The following TRMT13 variants were observed in gnomAD, a reference collection of about 807,000 sequenced individuals.
TRMT13 encodes tRNA methyltransferase 13.
Under a neutral mutation model 55.9 loss-of-function variants are expected in TRMT13, and 45 were observed. The observed-to-expected ratio is 0.80, with a 90% CI of 0.63 to 1.03. The LOEUF is 1.03. TRMT13 is among the 50% of genes least tolerant of loss of function. TRMT13 has a pLI of 0.00. For missense variants in TRMT13, 513 were observed against 563.9 expected (o/e 0.91, Z 0.91); for synonymous variants, 183 against 196.3 (o/e 0.93, Z 0.57).
At chr1:100,141,660 C>T (rs544430842) in intron 7 of TRMT13, among the ~76,000 whole-genome samples, 111 of 152,060 alleles carry the variant, frequency 7.3e-4, no homozygotes, top group Non-Finnish European at 1.2e-3. Context: ...AGAAAAGAGA[C>T]CCAGGCAAAT....
Position 100,133,298 on chromosome 1 carries a change from C to G in TRMT13, c.130C>G (p.His44Asp). 6.2e-7 allele frequency: 1 copy of G among 1,614,120 alleles called. No individual in the cohort carries two copies. The highest frequency in any genetic ancestry group is 8.5e-7 in the Non-Finnish European group (1 of 1,180,002). The stretch of plus-strand genomic sequence containing the variant: ...CGCAGGGAAAAGATTTTGTGGTGAA[C>G]ACGCTGGAGCCGCGGAGGTGTGGTA... ...VAAGKRFCGE[H>D]AGAAEEEDAR... The change falls in exon 1 of 11, where the codon CAC (histidine) becomes GAC (aspartate). Residue 44 changes from histidine (H) to aspartate (D), a missense_variant. This residue lies in a region of TRMT13 where 298 missense variants were observed against 290.3 expected (regional missense o/e 1.03). Coordinates refer to ENST00000370141, the MANE Select transcript of TRMT13 (RefSeq NM_019083.3).
At chr1:100,145,173 G>A (rs1657082140) in intron 9 of TRMT13, among the ~76,000 whole-genome samples, 1 of 152,216 alleles carries the variant, frequency 6.6e-6, no homozygotes, top group Non-Finnish European at 1.5e-5. Context: ...TAGGTGTGTA[G>A]TAGGCTACAC....
intron 1 of TRMT13, 145 bp from the exon 2 acceptor site, chr1:100,136,737 A>G (rs1655928310): frequency 1.5e-6 from 1 of 671,518 alleles, no homozygotes; most frequent in Non-Finnish European, 2.5e-6. Flanking sequence ...AACCCTTGGG[A>G]CCTGATTTTG....
chr1:100,140,387 T>G, intron 5 of TRMT13, 21 bp from the exon 6 acceptor site: 1 of 1,600,388 alleles, frequency 6.2e-7, no homozygotes, highest in Non-Finnish European at 8.6e-7. Flanking sequence ...GCTTAAGCTG[T>G]TGTGCTTATA....
chr1:100,148,786 C>T lies in TRMT13; in HGVS notation c.1412C>T (p.Pro471Leu). 1 of 1,529,984 alleles carries T rather than the reference C, an allele frequency of 6.5e-7. No individual in the cohort carries two copies. Among genetic ancestry groups the T allele is most frequent in the Non-Finnish European group, 8.8e-7 (1 of 1,141,692 alleles). The allele number at this position is 1,529,984 out of a possible 1,614,324, so 94.8% of individuals were successfully genotyped here. Residue 471 changes from proline (P) to leucine (L), a missense_variant, in exon 11 of 11, where the codon CCA becomes CTA. By Grantham distance (98) the Pro-to-Leu change is moderately conservative (BLOSUM62 -3). Around this residue, in one of 3 missense-constraint regions of TRMT13, gnomAD observed 209 missense variants for 255.8 expected, o/e 0.82. Transcript: ENST00000370141. ...SLENVLLTAL[P>L]NHSSSPETTA ...GAAAATGTTTTGTTAACTGCTTTAC[C>T]AAATCATTCTTCATCACCAGAAACA...
chr1:100,145,368 G>A (rs1570746692), intron 9 of TRMT13, among the ~76,000 whole-genome samples: 1 of 152,278 alleles, frequency 6.6e-6, no homozygotes. Flanking sequence ...GTAGGAGGGA[G>A]TACACTCTTT....
chr1:100,142,157 T>C (rs1033148480), intron 7 of TRMT13, among the ~76,000 whole-genome samples: 1 of 152,200 alleles, frequency 6.6e-6, no homozygotes, highest in Non-Finnish European at 1.5e-5. Flanking sequence ...TAGTGGTAAG[T>C]ACCCAATCCT....
chr1:100,138,974 GTTTAT>G (rs1656259551), intron 3 of TRMT13, among the ~76,000 whole-genome samples: 1 of 152,050 alleles, frequency 6.6e-6, no homozygotes, highest in Non-Finnish European at 1.5e-5. Context: ...TTGTTTCTTT[GTTTAT>G]TTTAGAGACA....
At chr1:100,145,985 A>G (rs1307769347) in intron 9 of TRMT13, among the ~76,000 whole-genome samples, 1 of 152,162 alleles carries the variant, frequency 6.6e-6, no homozygotes, top group African/African-American at 2.4e-5. Flanking sequence ...TTTAGTCTCA[A>G]TCTGGCTTCA....
intron 1 of TRMT13, among the ~76,000 whole-genome samples, chr1:100,136,547 A>AT (rs879605514): frequency 6.6e-6 from 1 of 152,176 alleles, no homozygotes; most frequent in South Asian, 2.1e-4. Flanking sequence ...AATAGGCAGC[A>AT]TTTTTTTCTT....
chr1:100,146,686 A>G (rs1243840030), intron 9 of TRMT13, among the ~76,000 whole-genome samples: 4 of 152,076 alleles, frequency 2.6e-5, no homozygotes, highest in Non-Finnish European at 4.4e-5. Flanking sequence ...TTGTATTTTT[A>G]GTAGAGACGG....
chr1:100,148,211 T>G lies in TRMT13; in HGVS notation c.1135T>G (p.Ser379Ala), dbSNP rs747004537. Residue 379 changes from serine to alanine, a missense_variant, in exon 10 of 11, where the codon TCT (serine) becomes GCT (alanine). This residue lies in a region of TRMT13 where 209 missense variants were observed against 255.8 expected (regional missense o/e 0.82). Transcript: ENST00000370141. ...GGCAACTTGTGGGATGCGGAAAACA[T>G]CTTTGGAAACCTCAAATAGTACCAC... ...SWATCGMRKT[S>A]LETSNSTTKR... 6.2e-7 allele frequency: 1 copy of G among 1,614,154 alleles called. No individual in the cohort carries two copies. The highest frequency in any genetic ancestry group is 1.7e-5 in the Admixed American group (1 of 60,012).
chr1:100,140,056 G>T, intron 4 of TRMT13, 126 bp from the exon 5 acceptor site: 1 of 646,812 alleles, frequency 1.5e-6, no homozygotes, highest in South Asian at 2.0e-5. Context: ...TAGGGAAAAG[G>T]CTTGATAGAG....
intron 1 of TRMT13, among the ~76,000 whole-genome samples, chr1:100,134,469 C>T (rs1655531521): frequency 6.6e-6 from 1 of 151,992 alleles, no homozygotes; most frequent in Non-Finnish European, 1.5e-5. Flanking sequence ...CAGATCAGTC[C>T]CCTGACCCCC....
At chr1:100,134,209 T>C in intron 1 of TRMT13, among the ~76,000 whole-genome samples, 1 of 151,962 alleles carries the variant, frequency 6.6e-6, no homozygotes, top group East Asian at 1.9e-4. Context: ...TTGATAATTA[T>C]GCATATAAAT....
intron 9 of TRMT13, 142 bp from the exon 10 acceptor site, chr1:100,147,752 G>C (rs1488423404): frequency 1.7e-5 from 12 of 693,980 alleles, no homozygotes; most frequent in African/African-American, 1.8e-5. Context: ...ATTCATGATA[G>C]TATTATTACA....
In TRMT13 at chr1:100,133,299, A is replaced by G. The variant is rs1396705443; in HGVS notation, c.131A>G (p.His44Arg). Residue 44 changes from histidine to arginine, a missense_variant, in exon 1 of 11, where the codon CAC (histidine) becomes CGC (arginine). By Grantham distance (29) the His-to-Arg change is conservative (BLOSUM62 0). Coordinates refer to ENST00000370141, the MANE Select transcript of TRMT13 (RefSeq NM_019083.3). ...GCAGGGAAAAGATTTTGTGGTGAAC[A>G]CGCTGGAGCCGCGGAGGTGTGGTAT... The part of the protein sequence containing the change: ...VAAGKRFCGE[H>R]AGAAEEEDAR... 2 of 1,614,122 alleles carry G rather than the reference A, an allele frequency of 1.2e-6. No homozygotes were observed. The highest frequency in any genetic ancestry group is 1.7e-5 in the Admixed American group (1 of 60,012).
At position 100,149,535 on chromosome 1, in the gene TRMT13, T is replaced by C; in HGVS notation, c.*715T>C. On this transcript the variant is annotated 3_prime_UTR_variant, in exon 11 of 11. Coordinates refer to ENST00000370141, the MANE Select transcript of TRMT13 (RefSeq NM_019083.3). ...ATACTTACAAACATAATTCACAAAT[T>C]TGAAATAATTTCTGAAGTTGATTAG... is the stretch of plus-strand genomic sequence containing the variant. 2 of 1,197,596 alleles carry C rather than the reference T, an allele frequency of 1.7e-6. No individual in the cohort carries two copies. The highest frequency in any genetic ancestry group is 2.3e-6 in the Non-Finnish European group (2 of 872,932). 74.2% of individuals were successfully genotyped at this position (1,197,596 alleles called of 1,614,324 possible).
At chr1:100,138,669 T>C (rs1656212415) in intron 3 of TRMT13, among the ~76,000 whole-genome samples, 1 of 152,222 alleles carries the variant, frequency 6.6e-6, no homozygotes. Context: ...TTATTTTCAC[T>C]TTTGAAACAG....
Sources: allele counts gnomAD v4.1 joint callset (sites outside exome capture counted in the v4.1 genomes callset), GRCh38; gene constraint gnomAD v4.1.1; regional missense constraint gnomAD v4.1.1; transcripts MANE v1.5; gene names NCBI Gene and HGNC (gene_info 2026-07-23, HGNC 2026-07-21).